The following TRAF5 variants were observed in gnomAD, a reference collection of about 807,000 sequenced individuals.
TRAF5 encodes the protein TNF receptor-associated factor 5.
TRAF5 carries 48 observed loss-of-function variants against 64.5 expected under a neutral mutation model. The observed-to-expected ratio is 0.74, with a 90% CI of 0.59 to 0.95. The LOEUF is 0.95. TRAF5 is among the 40% of genes least tolerant of loss of function. The probability of loss-of-function intolerance (pLI) is 0.00; values close to 1 mark genes in which losing one functional copy is unlikely to be tolerated. For missense variants in TRAF5, 545 were observed against 662.8 expected (o/e 0.82, Z 1.95); for synonymous variants, 206 against 240.5 (o/e 0.86, Z 1.33).
chr1:211,336,744 C>A (rs1702303328), intron 1 of TRAF5, among the ~76,000 whole-genome samples: 2 of 152,210 alleles, frequency 1.3e-5, no homozygotes, highest in African/African-American at 4.8e-5. Context: ...ACTGTAACCT[C>A]CACCTCCCTG....
chr1:211,341,654 A>G (rs1360625223), intron 1 of TRAF5, among the ~76,000 whole-genome samples: 2 of 151,998 alleles, frequency 1.3e-5, no homozygotes, highest in Non-Finnish European at 2.9e-5. Context: ...TGGAGCTGGG[A>G]ATGGGAAGGA....
At position 211,369,444 on chromosome 1, in the gene TRAF5, G is replaced by C. The variant is rs1198832577; in HGVS notation, c.790-8G>C. ...TGACTTTATTTTTCCTCACGTTCCT[G>C]TTATTAGATTTCTGACTTACACAAG... On this transcript the variant is annotated splice_region_variant and splice_polypyrimidine_tract_variant and intron_variant, in intron 8 of 10. Transcript: ENST00000261464. 6.4e-7 allele frequency: 1 copy of C among 1,572,782 alleles called. No homozygotes were observed. The highest frequency in any genetic ancestry group is 8.6e-7 in the Non-Finnish European group (1 of 1,166,392).
chr1:211,368,476 G>A (rs1032637835), intron 8 of TRAF5, among the ~76,000 whole-genome samples: 1 of 152,184 alleles, frequency 6.6e-6, no homozygotes, highest in African/African-American at 2.4e-5. Context: ...GGCAGTTCCA[G>A]CTCCCATGGA....
At chr1:211,365,754 C>T (rs1045518490) in intron 8 of TRAF5, among the ~76,000 whole-genome samples, 2 of 152,180 alleles carry the variant, frequency 1.3e-5, no homozygotes, top group African/African-American at 2.4e-5. Context: ...ATCTCAAAAT[C>T]CATGTCCTCT....
chr1:211,360,941 C>T (rs1321711433), intron 6 of TRAF5, 147 bp from the exon 7 acceptor site: 6 of 999,148 alleles, frequency 6.0e-6, no homozygotes, highest in Non-Finnish European at 9.1e-6. Context: ...TGCGAACTCT[C>T]TTCAACTTTC....
intron 1 of TRAF5, among the ~76,000 whole-genome samples, chr1:211,333,081 T>C (rs1261634784): frequency 6.6e-6 from 1 of 152,236 alleles, no homozygotes; most frequent in Non-Finnish European, 1.5e-5. Context: ...CAAGTGGACC[T>C]CTCTAGCCCT....
intron 1 of TRAF5, among the ~76,000 whole-genome samples, chr1:211,351,349 G>A (rs551850760): frequency 2.2e-4 from 33 of 152,050 alleles, no homozygotes; most frequent in African/African-American, 7.7e-4. Context: ...TCTTATAAGG[G>A]CACTAATCCC....
At chr1:211,355,570 A>G (rs964003371) in intron 3 of TRAF5, among the ~76,000 whole-genome samples, 2 of 152,170 alleles carry the variant, frequency 1.3e-5, no homozygotes, top group African/African-American at 2.4e-5. Context: ...GCAAATACCT[A>G]CAACACGGCT....
At chr1:211,346,258 A>T in intron 1 of TRAF5, 1 of 564,472 alleles carries the variant, frequency 1.8e-6, no homozygotes, top group South Asian at 7.8e-5. Flanking sequence ...TGCCAGTGGG[A>T]TATTGTAATT....
At chr1:211,370,625 C>A (rs140062088) in intron 9 of TRAF5, among the ~76,000 whole-genome samples, 2,456 of 152,222 alleles carry the variant, frequency 0.016, 68 homozygotes, top group African/African-American at 0.056. Flanking sequence ...CTTAAACATG[C>A]TCAGAACACT....
chr1:211,335,785 T>C (rs1046777265), intron 1 of TRAF5, among the ~76,000 whole-genome samples: 3 of 152,074 alleles, frequency 2.0e-5, no homozygotes, highest in African/African-American at 7.2e-5. Flanking sequence ...GGGGGAAAGG[T>C]TCTCTGTTCA....
intron 1 of TRAF5, among the ~76,000 whole-genome samples, chr1:211,336,646 TTTTG>T (rs1343050506): frequency 1.3e-5 from 2 of 152,176 alleles, no homozygotes; most frequent in African/African-American, 4.8e-5. Flanking sequence ...ATGTGCACTG[TTTTG>T]TTTGTCTGTT....
At chr1:211,360,651 G>A (rs1187351631) in intron 5 of TRAF5, 51 bp from the exon 6 acceptor site, 1 of 1,437,006 alleles carries the variant, frequency 7.0e-7, no homozygotes, top group Non-Finnish European at 9.8e-7. Flanking sequence ...TGTAATCACT[G>A]TGAGGCCATG....
At chr1:211,336,422 C>T (rs1407204922) in intron 1 of TRAF5, among the ~76,000 whole-genome samples, 1 of 152,206 alleles carries the variant, frequency 6.6e-6, no homozygotes, top group Non-Finnish European at 1.5e-5. Flanking sequence ...TGTCCCCTCA[C>T]CCCTTACAGT....
At chr1:211,347,126 TTTG>T (rs1244278227) in intron 1 of TRAF5, among the ~76,000 whole-genome samples, 1 of 152,148 alleles carries the variant, frequency 6.6e-6, no homozygotes, top group East Asian at 1.9e-4. Context: ...ACTGAGCTGC[TTTG>T]TTGTTCCTGT....
Position 211,361,152 on chromosome 1 carries a change from G to A in TRAF5, c.686G>A (p.Cys229Tyr). ...GACTGTCCTTTTAAGCACTATGGCT[G>A]TGCTGTAACGGTATGGAATGACTTT... ...EQDCPFKHYG[C>Y]AVTDKRRNLQ... Residue 229 changes from cysteine (C) to tyrosine (Y), a missense_variant, in exon 7 of 11, where the codon TGT becomes TAT. Physicochemically the swap from Cys to Tyr is radical, Grantham distance 194 (BLOSUM62 -2). Transcript: ENST00000261464. 6.2e-7 allele frequency: 1 copy of A among 1,614,150 alleles called. No homozygotes were observed. Among genetic ancestry groups the A allele is most frequent in the Non-Finnish European group, 8.5e-7 (1 of 1,179,994 alleles).
At chr1:211,353,800 AGGCAGAGGTGCTGT>A (rs1241150929) in intron 2 of TRAF5, among the ~76,000 whole-genome samples, 2 of 152,164 alleles carry the variant, frequency 1.3e-5, no homozygotes, top group Non-Finnish European at 2.9e-5. Context: ...CCTTGCCTTG[AGGCAGAGGTGCTGT>A]GGCACCTAGA....
chr1:211,359,818 A>C, intron 4 of TRAF5, 94 bp from the exon 5 acceptor site: 1 of 1,501,498 alleles, frequency 6.7e-7, no homozygotes, highest in Non-Finnish European at 9.2e-7. Context: ...CCAGCTGCCC[A>C]CCCTGTTCTC....
intron 9 of TRAF5, among the ~76,000 whole-genome samples, chr1:211,370,255 T>C (rs1021481989): frequency 1.3e-5 from 2 of 152,142 alleles, no homozygotes; most frequent in African/African-American, 4.8e-5. Context: ...TTTATCATGA[T>C]TATAAAATTT....
Sources: allele counts gnomAD v4.1 joint callset (sites outside exome capture counted in the v4.1 genomes callset), GRCh38; gene constraint gnomAD v4.1.1; transcripts MANE v1.5; gene names NCBI Gene and HGNC (gene_info 2026-07-23, HGNC 2026-07-21).